AGAP6: variants seen among roughly 807,000 people sequenced by gnomAD.
AGAP6 encodes ArfGAP with GTPase domain, ankyrin repeat and PH domain 6.
A neutral mutation model predicts 63.9 loss-of-function variants in AGAP6; 29 were observed. The observed-to-expected ratio is 0.45, with a 90% CI of 0.34 to 0.62. The LOEUF is 0.62. Among genes scored for constraint, AGAP6 ranks in the 20% least tolerant of loss-of-function variants. AGAP6 has a pLI of 0.01. For synonymous variants in AGAP6, 199 were observed against 332.9 expected, an observed-to-expected ratio of 0.60 and a Z score of 4.38; for missense variants, 493 against 884.9, an observed-to-expected ratio of 0.56 and a Z score of 5.62.
chr10:50,008,076 G>A lies in AGAP6; in HGVS notation c.585G>A (p.Ala195=), dbSNP rs577315095. The part of the protein sequence containing the change: ...SIPDEQLHSF[A]VSTVHIMKKR... Reference sequence around the variant, plus strand: ...CTGATGAACAGTTACACTCATTTGCGGTAAGTGGCACTTTTATTGAGGTTG... The same window carrying A: ...CTGATGAACAGTTACACTCATTTGCAGTAAGTGGCACTTTTATTGAGGTTG... The change falls in exon 7 of 8, where the codon GCG becomes GCA. Residue 195 remains alanine (A), a splice_region_variant and synonymous_variant. Coordinates refer to ENST00000412531, the MANE Select transcript of AGAP6 (RefSeq NM_001077665.3). 1.3e-4 allele frequency: 214 copies of A among 1,611,820 alleles called. No individual in the cohort carries two copies. The highest frequency in any genetic ancestry group is 1.0e-3 in the African/African-American group (77 of 74,936).
At chr10:50,001,192 T>C (rs3964991) in intron 4 of AGAP6, among the ~76,000 whole-genome samples, 8 of 147,456 alleles carry the variant, frequency 5.4e-5, no homozygotes, top group African/African-American at 1.2e-4. Context: ...TAGCCGGGCA[T>C]GGTGGTGGGC....
intron 4 of AGAP6, among the ~76,000 whole-genome samples, chr10:49,996,776 C>T (rs1332842847): frequency 2.0e-5 from 3 of 151,372 alleles, no homozygotes; most frequent in Non-Finnish European, 4.4e-5. Context: ...CCCTACTTTC[C>T]AAAGTGCCAT....
chr10:49,995,319 C>G (rs1263859813), intron 4 of AGAP6, among the ~76,000 whole-genome samples: 1 of 152,142 alleles, frequency 6.6e-6, no homozygotes, highest in Non-Finnish European at 1.5e-5. Flanking sequence ...CTTCTTTTTT[C>G]CTAGCCTACG....
Position 49,988,825 on chromosome 10 carries a change from G to A in AGAP6, c.110G>A (p.Arg37Lys), listed in dbSNP as rs782247938. The A allele has an allele frequency of 1.9e-5, 30 of 1,556,880 alleles. No individual in the cohort carries two copies. Among genetic ancestry groups the A allele is most frequent in the Admixed American group, 6.8e-5 (4 of 58,854 alleles). ...SESETYEAGA[R>K]DRMAGAPMAA... is the part of the protein sequence containing the mutation. ...TCTGAGACCTATGAGGCAGGAGCTA[G>A]GGACAGGATGGCAGGAGCGCCCATG... Residue 37 changes from arginine to lysine, a missense_variant, in exon 1 of 8, where the codon AGG (arginine) becomes AAG (lysine). This residue lies in a region of AGAP6 where 342 missense variants were observed against 533.4 expected (regional missense o/e 0.64). Coordinates refer to ENST00000412531, the MANE Select transcript of AGAP6 (RefSeq NM_001077665.3).
chr10:50,010,010 C>A lies in AGAP6; in HGVS notation c.1885C>A (p.His629Asn). The A allele has an allele frequency of 6.2e-7, 1 of 1,611,632 alleles. No individual in the cohort carries two copies. The highest frequency in any genetic ancestry group is 8.5e-7 in the Non-Finnish European group (1 of 1,179,824). ...GGAGGGAGACGGCTGCACGGCGCTCCATCTGGCCTGCCGCAAGGGGAATGT... is the reference window on the plus strand; with the variant it reads ...GGAGGGAGACGGCTGCACGGCGCTCAATCTGGCCTGCCGCAAGGGGAATGT... ...CGEGDGCTAL[H>N]LACRKGNVVL... Residue 629 changes from histidine to asparagine, a missense_variant, in exon 8 of 8, where the codon CAT (histidine) becomes AAT (asparagine). Coordinates refer to ENST00000412531, the MANE Select transcript of AGAP6 (RefSeq NM_001077665.3).
rs180684135 is a variant in AGAP6, at chr10:49,995,864, G to T, written c.396+1435G>T. On this transcript the variant is annotated intron_variant, in intron 4 of 7. Transcript: ENST00000412531. ...GCAGCTGTGCTCTTATTACAGTGTTGTTCTTGAATCTATTGCCAGTGTGTG... is the reference window on the plus strand; with the variant it reads ...GCAGCTGTGCTCTTATTACAGTGTTTTTCTTGAATCTATTGCCAGTGTGTG... Among the ~76,000 whole-genome samples, 507 of 152,242 alleles carry T rather than the reference G, an allele frequency of 3.3e-3. 5 individuals are homozygous for T. Among genetic ancestry groups the T allele is most frequent in the Non-Finnish European group, 4.9e-3 (330 of 68,008 alleles).
At position 49,999,202 on chromosome 10, in the gene AGAP6, C is replaced by T. The variant is rs1474667777; in HGVS notation, c.397-2794C>T. ...GCAGTGAGCCAAGATCACCGCACTG[C>T]ATACTCCAGCCTGGGCAACAGAGCG... On this transcript the variant is annotated intron_variant, in intron 4 of 7. Coordinates refer to ENST00000412531, the MANE Select transcript of AGAP6 (RefSeq NM_001077665.3). 1.5e-5 allele frequency among the ~76,000 whole-genome samples: 2 copies of T among 135,946 alleles called. 1 individual carries two copies. Among genetic ancestry groups the T allele is most frequent in the Non-Finnish European group, 3.1e-5 (2 of 64,954 alleles). The allele number at this position is 135,946 out of a possible 152,430, so 89.2% of individuals were successfully genotyped here.
chr10:49,994,504 A>C (rs1841405939), intron 4 of AGAP6, 75 bp downstream of exon 4: 9 of 1,490,698 alleles, frequency 6.0e-6, no homozygotes, highest in Non-Finnish European at 8.1e-6. Flanking sequence ...TCTTTAAATT[A>C]CAATGTGGAC....
At chr10:50,001,400 G>T (rs1473328009) in intron 4 of AGAP6, among the ~76,000 whole-genome samples, 5 of 124,106 alleles carry the variant, frequency 4.0e-5, no homozygotes, top group Admixed American at 2.8e-4. Context: ...GAAAAAAAAT[G>T]AAATCTTATT....
At chr10:49,993,296 C>A (rs1314632189) in intron 3 of AGAP6, among the ~76,000 whole-genome samples, 1 of 152,054 alleles carries the variant, frequency 6.6e-6, no homozygotes. Flanking sequence ...ACCTAGAGAG[C>A]ATGGAAGCAG....
At chr10:50,007,727 A>G (rs1356984940) in intron 6 of AGAP6, among the ~76,000 whole-genome samples, 18 of 151,426 alleles carry the variant, frequency 1.2e-4, no homozygotes, top group African/African-American at 2.7e-4. Context: ...TTGTGTTTCA[A>G]TGTGTGGTTA....
At chr10:49,996,662 C>G (rs1246513491) in intron 4 of AGAP6, among the ~76,000 whole-genome samples, 2 of 149,996 alleles carry the variant, frequency 1.3e-5, no homozygotes, top group African/African-American at 4.9e-5. Context: ...CCAGAGAACA[C>G]ACATCTAAGT....
At chr10:49,996,756 T>TC (rs1491396942) in intron 4 of AGAP6, among the ~76,000 whole-genome samples, 3 of 151,208 alleles carry the variant, frequency 2.0e-5, no homozygotes, top group African/African-American at 7.3e-5. Flanking sequence ...TTTTTTTTTT[T>TC]CACATTTTAC....
At chr10:49,989,205 A>G in intron 1 of AGAP6, 103 bp from the exon 2 acceptor site, 1 of 1,540,310 alleles carries the variant, frequency 6.5e-7, no homozygotes. Flanking sequence ...GCATGGGACC[A>G]TTTATTTATG....
At chr10:50,006,204 T>A (rs1195716160) in intron 6 of AGAP6, among the ~76,000 whole-genome samples, 1 of 152,240 alleles carries the variant, frequency 6.6e-6, no homozygotes, top group Non-Finnish European at 1.5e-5. Context: ...GGTTTATGTT[T>A]TATTGTGTCA....
At chr10:49,989,259 T>C in intron 1 of AGAP6, 49 bp from the exon 2 acceptor site, 1 of 1,595,146 alleles carries the variant, frequency 6.3e-7, no homozygotes, top group Non-Finnish European at 8.5e-7. Context: ...AGTTGATAAA[T>C]TTTTATAAAT....
At chr10:49,992,323 T>G (rs1564706603) in intron 3 of AGAP6, among the ~76,000 whole-genome samples, 1 of 152,144 alleles carries the variant, frequency 6.6e-6, no homozygotes, top group Non-Finnish European at 1.5e-5. Flanking sequence ...CCTGCTTATT[T>G]CCCTCAATGT....
At chr10:49,997,475 G>T (rs1452946607) in intron 4 of AGAP6, among the ~76,000 whole-genome samples, 6 of 151,878 alleles carry the variant, frequency 4.0e-5, no homozygotes, top group African/African-American at 1.5e-4. Context: ...TCCAGCCTGG[G>T]CAACAAAGGG....
intron 2 of AGAP6, among the ~76,000 whole-genome samples, chr10:49,991,390 T>TTG (rs1554860852): frequency 1.3e-5 from 2 of 149,428 alleles, no homozygotes; most frequent in African/African-American, 2.5e-5. Context: ...TTCTGTTTTT[T>TTG]TTTTTTTTTT....
Sources: gnomAD v4.1 joint callset for allele counts (sites outside exome capture counted in the v4.1 genomes callset) on GRCh38, gnomAD v4.1.1 for gene constraint, gnomAD v4.1.1 regional missense constraint, MANE v1.5 for transcripts, NCBI Gene and HGNC (gene_info 2026-07-23, HGNC 2026-07-21) for gene names.